Variants in JPH3 observed in about 807,000 individuals in gnomAD.
JPH3 encodes the protein junctophilin-3.
In JPH3, 11 loss-of-function variants were observed where a neutral mutation model predicts 59.6. That is an observed-to-expected ratio of 0.18 (90% CI 0.12 to 0.31). The LOEUF (loss-of-function observed/expected upper bound fraction) is 0.31, where lower values mean the gene tolerates loss of function less well. Among genes scored for constraint, JPH3 ranks in the 10% least tolerant of loss-of-function variants. The probability of loss-of-function intolerance (pLI) is 1.00; values close to 1 mark genes in which losing one functional copy is unlikely to be tolerated. For missense variants in JPH3, 1,202 were observed against 1,105.7 expected (o/e 1.09, Z -1.24); for synonymous variants, 673 against 483.6 (o/e 1.39, Z -5.14).
At chr16:87,659,035 C>T (rs1329300026) in intron 2 of JPH3, among the ~76,000 whole-genome samples, 1 of 152,202 alleles carries the variant, frequency 6.6e-6, no homozygotes, top group Non-Finnish European at 1.5e-5. Flanking sequence ...GCGGCGGCCA[C>T]AGCGAAAGCC....
At chr16:87,673,353 G>A (rs577390105) in intron 2 of JPH3, among the ~76,000 whole-genome samples, 16 of 152,086 alleles carry the variant, frequency 1.1e-4, no homozygotes, top group African/African-American at 3.6e-4. Context: ...TACAGAAGAT[G>A]CGAGGAAACA....
At chr16:87,655,877 C>G (rs970118861) in intron 2 of JPH3, among the ~76,000 whole-genome samples, 3 of 152,232 alleles carry the variant, frequency 2.0e-5, no homozygotes, top group Non-Finnish European at 4.4e-5. Flanking sequence ...GAGCCTGGCC[C>G]TGAGTCCGCT....
upstream of JPH3, among the ~76,000 whole-genome samples, chr16:87,602,412 C>CCGGGGGCGGGGGCGGGGG (rs1319975421): frequency 1.1e-4 from 3 of 26,194 alleles, no homozygotes; most frequent in Admixed American, 1.1e-3. Flanking sequence ...CCGCCGCGCT[C>CCGGGGGCGGGGGCGGGGG]CGGGGGCGGG....
At chr16:87,661,877 C>T (rs780861138) in intron 2 of JPH3, among the ~76,000 whole-genome samples, 3 of 152,230 alleles carry the variant, frequency 2.0e-5, no homozygotes, top group Non-Finnish European at 4.4e-5. Flanking sequence ...AGCAGGAAGC[C>T]TGGGGTATTT....
chr16:87,619,087 CA>C (rs59368116), intron 1 of JPH3, among the ~76,000 whole-genome samples: 125,631 of 140,606 alleles, frequency 0.89, 55,922 homozygotes, highest in East Asian at 0.99. Flanking sequence ...GACTCTGTCT[CA>C]AAAAAAAAAA....
At chr16:87,648,969 C>T (rs944274240) in intron 2 of JPH3, among the ~76,000 whole-genome samples, 10 of 152,316 alleles carry the variant, frequency 6.6e-5, no homozygotes, top group African/African-American at 2.4e-4. Context: ...GTGCTGCCGC[C>T]GGGAGGCCTT....
In JPH3 at chr16:87,691,746, C is replaced by G. The variant is rs148007143; in HGVS notation, c.2166+1220C>G. Among the ~76,000 whole-genome samples the G allele has an allele frequency of 6.3e-3, 960 of 152,254 alleles. 5 individuals carry two copies. Among genetic ancestry groups the G allele is most frequent in the South Asian group, 9.1e-3 (44 of 4,814 alleles). On this transcript the variant is annotated intron_variant, in intron 4 of 4. Coordinates refer to ENST00000284262, the MANE Select transcript of JPH3 (RefSeq NM_020655.4). ...GGTTCCTAAGATGCCTCCCCGTTCC[C>G]CAAAGCCCACAGAGAACAGCCCCTA... is the stretch of plus-strand genomic sequence containing the variant.
At chr16:87,638,995 C>G (rs1295696656) in intron 1 of JPH3, among the ~76,000 whole-genome samples, 2 of 152,204 alleles carry the variant, frequency 1.3e-5, no homozygotes, top group African/African-American at 4.8e-5. Flanking sequence ...TGGATCCAGA[C>G]TCTGCCTCAG....
At chr16:87,621,583 C>A (rs1012292221) in intron 1 of JPH3, among the ~76,000 whole-genome samples, 12 of 152,216 alleles carry the variant, frequency 7.9e-5, no homozygotes, top group African/African-American at 2.7e-4. Flanking sequence ...AGCCGCCAGC[C>A]AGGAGCAATT....
At chr16:87,615,487 C>T (rs1039954173) in intron 1 of JPH3, among the ~76,000 whole-genome samples, 1 of 152,200 alleles carries the variant, frequency 6.6e-6, no homozygotes, top group Non-Finnish European at 1.5e-5. Context: ...TGAGTGGGGC[C>T]GGGCCCTGGA....
chr16:87,658,157 C>A (rs1353664395), intron 2 of JPH3, among the ~76,000 whole-genome samples: 1 of 152,162 alleles, frequency 6.6e-6, no homozygotes, highest in African/African-American at 2.4e-5. Context: ...GGGTGCAGGG[C>A]AGGTATTCAG....
intron 2 of JPH3, among the ~76,000 whole-genome samples, chr16:87,656,244 C>T (rs1444049326): frequency 2.6e-5 from 4 of 152,228 alleles, no homozygotes; most frequent in Admixed American, 6.5e-5. Context: ...CATGCTGTTC[C>T]TTCCAGCCGA....
intron 2 of JPH3, among the ~76,000 whole-genome samples, chr16:87,671,787 T>C (rs955761085): frequency 1.3e-5 from 2 of 152,208 alleles, no homozygotes; most frequent in African/African-American, 4.8e-5. Context: ...ACTGGGCTGG[T>C]CCTGAGCCCA....
chr16:87,683,063 A>G (rs904471927), intron 2 of JPH3, among the ~76,000 whole-genome samples: 4 of 152,166 alleles, frequency 2.6e-5, no homozygotes, highest in Non-Finnish European at 5.9e-5. Context: ...CGTGTCACAC[A>G]TGGGTGTCGG....
At chr16:87,690,987 T>A (rs1337557239) in intron 4 of JPH3, among the ~76,000 whole-genome samples, 1 of 151,946 alleles carries the variant, frequency 6.6e-6, no homozygotes, top group Non-Finnish European at 1.5e-5. Flanking sequence ...TGGGGGGAGC[T>A]GCCAGTCCAG....
intron 1 of JPH3, among the ~76,000 whole-genome samples, chr16:87,638,163 A>G (rs549734712): frequency 6.6e-5 from 10 of 152,076 alleles, no homozygotes; most frequent in Non-Finnish European, 1.5e-4. Flanking sequence ...CAGGTGATCT[A>G]CCTGCCTGGC....
intron 2 of JPH3, among the ~76,000 whole-genome samples, chr16:87,664,294 G>A (rs1393862251): frequency 7.2e-6 from 1 of 138,728 alleles, no homozygotes; most frequent in Admixed American, 7.9e-5. Flanking sequence ...TTGCGCCACT[G>A]CACCTCCAGC....
At chr16:87,656,196 C>T (rs1597267175) in intron 2 of JPH3, among the ~76,000 whole-genome samples, 2 of 152,216 alleles carry the variant, frequency 1.3e-5, no homozygotes, top group Non-Finnish European at 2.9e-5. Context: ...TTGCAGGTGC[C>T]GTGACACCTA....
At chr16:87,691,136 C>T (rs2033562281) in intron 4 of JPH3, among the ~76,000 whole-genome samples, 1 of 145,880 alleles carries the variant, frequency 6.9e-6, no homozygotes, top group African/African-American at 2.5e-5. Context: ...GAGGGAAGAA[C>T]AGCGTCCCCC....
Sources: gnomAD v4.1 joint callset for allele counts (sites outside exome capture counted in the v4.1 genomes callset) on GRCh38, gnomAD v4.1.1 for gene constraint, MANE v1.5 for transcripts, NCBI Gene and HGNC (gene_info 2026-07-23, HGNC 2026-07-21) for gene names.